The following CDC40 variants were observed in gnomAD, a reference collection of about 807,000 sequenced individuals.
CDC40 encodes pre-mRNA-processing factor 17.
A neutral mutation model predicts 80.6 loss-of-function variants in CDC40; 27 were observed. The ratio of observed to expected loss-of-function variants is 0.33; its 90% CI spans 0.25 to 0.46. The LOEUF (loss-of-function observed/expected upper bound fraction) is 0.46, where lower values mean the gene tolerates loss of function less well. CDC40 is among the 20% of genes least tolerant of loss of function. The probability of loss-of-function intolerance (pLI) is 1.00; values close to 1 mark genes in which losing one functional copy is unlikely to be tolerated. For missense variants in CDC40, 486 were observed against 694.1 expected (o/e 0.70, Z 3.37); for synonymous variants, 221 against 232.6 (o/e 0.95, Z 0.45).
At chr6:110,200,160 T>G (rs2114656428) in intron 2 of CDC40, among the ~76,000 whole-genome samples, 2 of 152,326 alleles carry the variant, frequency 1.3e-5, no homozygotes, top group African/African-American at 4.8e-5. Flanking sequence ...ATTTTAAAAT[T>G]GAATCATTTT....
In CDC40 at chr6:110,212,266, C is replaced by T; in HGVS notation, c.861C>T (p.His287=). 1 of 1,613,508 alleles carries T rather than the reference C, an allele frequency of 6.2e-7. No homozygotes were observed. Among genetic ancestry groups the T allele is most frequent in the Non-Finnish European group, 8.5e-7 (1 of 1,179,858 alleles). The change falls in exon 7 of 15, where the codon CAC becomes CAT. Residue 287 remains histidine, a synonymous_variant. Coordinates refer to ENST00000307731, the MANE Select transcript of CDC40 (RefSeq NM_015891.3). ...PKKQIHVWSG[H]TKGVSAVRLF... ...AACAAATTCATGTGTGGTCTGGACA[C>T]ACAAAGGTAAGCAAGTTGGTTGTTT...
At chr6:110,193,412 G>GTTTT in intron 2 of CDC40, 144 bp downstream of exon 2, 1 of 505,780 alleles carries the variant, frequency 2.0e-6, no homozygotes. Context: ...CTTTTTTGTT[G>GTTTT]TTTTTTTTTT....
At chr6:110,219,597 T>C in intron 11 of CDC40, 118 bp downstream of exon 11, 2 of 1,150,300 alleles carry the variant, frequency 1.7e-6, no homozygotes, top group East Asian at 2.4e-5. Flanking sequence ...GGACGGCTAA[T>C]GCACCATTCT....
chr6:110,198,228 A>G (rs866903335), intron 2 of CDC40, among the ~76,000 whole-genome samples: 10 of 150,918 alleles, frequency 6.6e-5, no homozygotes, highest in South Asian at 2.1e-4. Flanking sequence ...CCCAGGCTGA[A>G]GTGCAGTGGT....
At chr6:110,226,345 T>C (rs920270189) in intron 13 of CDC40, 102 bp downstream of exon 13, 2 of 656,718 alleles carry the variant, frequency 3.0e-6, no homozygotes, top group South Asian at 4.2e-5. Context: ...GGGAAGTTTG[T>C]CACTGTGCCA....
At chr6:110,215,447 G>T in intron 9 of CDC40, 116 bp downstream of exon 9, 2 of 821,416 alleles carry the variant, frequency 2.4e-6, no homozygotes, top group Non-Finnish European at 2.0e-6. Context: ...GATTTCAGCT[G>T]AATCTGGAAG....
intron 2 of CDC40, among the ~76,000 whole-genome samples, chr6:110,200,117 T>G (rs931150657): frequency 2.0e-5 from 3 of 152,196 alleles, no homozygotes; most frequent in Non-Finnish European, 4.4e-5. Context: ...ATTAAGAATA[T>G]GTACTAATAA....
chr6:110,201,197 G>A (rs865881855), intron 2 of CDC40, among the ~76,000 whole-genome samples: 3 of 152,098 alleles, frequency 2.0e-5, no homozygotes, highest in Admixed American at 6.5e-5. Flanking sequence ...CCAAATCCCC[G>A]AAATCATGGT....
chr6:110,192,078 C>T (rs1001845398), intron 1 of CDC40, among the ~76,000 whole-genome samples: 1 of 152,086 alleles, frequency 6.6e-6, no homozygotes, highest in Non-Finnish European at 1.5e-5. Context: ...CTTTGTTAGG[C>T]TTTTACTCTG....
rs1027889014 is a variant in CDC40, at chr6:110,227,420, C to G, written c.1417+1177C>G. 3.3e-5 allele frequency among the ~76,000 whole-genome samples: 5 copies of G among 152,260 alleles called. No individual in the cohort carries two copies. The South Asian group carries it at 1.0e-3, about 32-fold the overall frequency. ...TCTATCATTTTTATGAGAAGAGAAA[C>G]CTAACTGAACCTTTTTTTGATCATT... On this transcript the variant is annotated intron_variant, in intron 13 of 14. Coordinates refer to ENST00000307731, the MANE Select transcript of CDC40 (RefSeq NM_015891.3).
intron 1 of CDC40, among the ~76,000 whole-genome samples, 169 bp from the exon 2 acceptor site, chr6:110,193,013 T>G (rs549681805): frequency 6.6e-6 from 1 of 152,210 alleles, no homozygotes; most frequent in Non-Finnish European, 1.5e-5. Flanking sequence ...AACTTTTTTA[T>G]GTATTTTAAC....
intron 2 of CDC40, among the ~76,000 whole-genome samples, chr6:110,196,378 A>G (rs1366852590): frequency 6.6e-6 from 1 of 152,216 alleles, no homozygotes; most frequent in African/African-American, 2.4e-5. Context: ...CTGGTTATAT[A>G]GATAATTTTT....
intron 3 of CDC40, among the ~76,000 whole-genome samples, chr6:110,205,174 T>C (rs1189896424): frequency 6.6e-6 from 1 of 152,188 alleles, no homozygotes; most frequent in Non-Finnish European, 1.5e-5. Flanking sequence ...TTATTATTAG[T>C]TTAATAATCT....
chr6:110,208,359 T>A (rs1777590522), intron 4 of CDC40, among the ~76,000 whole-genome samples: 1 of 152,176 alleles, frequency 6.6e-6, no homozygotes, highest in Non-Finnish European at 1.5e-5. Flanking sequence ...GGTAGCTAGA[T>A]TCTTAGTTAA....
intron 3 of CDC40, among the ~76,000 whole-genome samples, chr6:110,204,082 A>G (rs1439738035): frequency 6.6e-6 from 1 of 152,024 alleles, no homozygotes; most frequent in South Asian, 2.1e-4. Flanking sequence ...GCGCGATCTC[A>G]GCTCACTGCA....
At chr6:110,181,016 G>T (rs1450791125) in intron 1 of CDC40, among the ~76,000 whole-genome samples, 2 of 152,184 alleles carry the variant, frequency 1.3e-5, no homozygotes, top group Non-Finnish European at 2.9e-5. Context: ...GAAGAACTAG[G>T]TTCTAATCCT....
At chr6:110,201,854 G>A (rs778486085) in intron 3 of CDC40, among the ~76,000 whole-genome samples, 167 bp downstream of exon 3, 3 of 152,108 alleles carry the variant, frequency 2.0e-5, no homozygotes, top group Non-Finnish European at 4.4e-5. Flanking sequence ...ATGGGAAGGT[G>A]AACTCATATT....
chr6:110,206,377 T>C (rs1318806230), intron 3 of CDC40, among the ~76,000 whole-genome samples: 1 of 152,122 alleles, frequency 6.6e-6, no homozygotes, highest in Non-Finnish European at 1.5e-5. Context: ...ATCGTACACA[T>C]GAGTTGTAGG....
At chr6:110,224,021 C>T (rs958621511) in intron 12 of CDC40, among the ~76,000 whole-genome samples, 5 of 151,826 alleles carry the variant, frequency 3.3e-5, no homozygotes, top group South Asian at 4.2e-4. Flanking sequence ...TTAGTAGAAA[C>T]GGGGTTTCAC....
Sources: allele counts gnomAD v4.1 joint callset (sites outside exome capture counted in the v4.1 genomes callset), GRCh38; gene constraint gnomAD v4.1.1; transcripts MANE v1.5; gene names NCBI Gene and HGNC (gene_info 2026-07-23, HGNC 2026-07-21).